NKAIN3: variants seen among roughly 807,000 people sequenced by gnomAD.
NKAIN3 encodes the protein sodium/potassium-transporting ATPase subunit beta-1-interacting protein 3.
Under a neutral mutation model 30.2 loss-of-function variants are expected in NKAIN3, and 25 were observed. The observed-to-expected ratio is 0.83, with a 90% CI of 0.60 to 1.16. The LOEUF (loss-of-function observed/expected upper bound fraction) is 1.16, where lower values mean the gene tolerates loss of function less well. Ranked by LOEUF, NKAIN3 falls within the 50% of genes most tolerant of loss-of-function variation. The probability of loss-of-function intolerance (pLI) is 0.00; values close to 1 mark genes in which losing one functional copy is unlikely to be tolerated. For synonymous variants in NKAIN3, 91 were observed against 89.6 expected, an observed-to-expected ratio of 1.02 and a Z score of -0.09; for missense variants, 225 against 254.1, an observed-to-expected ratio of 0.89 and a Z score of 0.78.
At chr8:62,987,115 G>T (rs1824216447), downstream of NKAIN3, among the ~76,000 whole-genome samples, 1 of 152,112 alleles carries the variant, frequency 6.6e-6, no homozygotes, top group Non-Finnish European at 1.5e-5. Flanking sequence ...GGCTGCGTGT[G>T]GTAGCTCATG....
At chr8:62,285,316 A>C (rs531688816) in intron 1 of NKAIN3, among the ~76,000 whole-genome samples, 1 of 152,326 alleles carries the variant, frequency 6.6e-6, no homozygotes, top group Non-Finnish European at 1.5e-5. Flanking sequence ...TTGAGAGAAT[A>C]CATAAATGTA....
intron 1 of NKAIN3, among the ~76,000 whole-genome samples, chr8:62,273,238 A>T (rs927498141): frequency 4.6e-5 from 7 of 152,210 alleles, no homozygotes; most frequent in Non-Finnish European, 1.5e-5. Context: ...ATTTCAGCCA[A>T]TCATTCCAAC....
chr8:62,326,778 T>C (rs187424851), intron 1 of NKAIN3, among the ~76,000 whole-genome samples: 54 of 152,034 alleles, frequency 3.6e-4, no homozygotes, highest in African/African-American at 1.2e-3. Flanking sequence ...CAAATATCTG[T>C]TTGAGCCACT....
chr8:62,323,660 A>G, intron 1 of NKAIN3, among the ~76,000 whole-genome samples: 1 of 152,062 alleles, frequency 6.6e-6, no homozygotes, highest in East Asian at 1.9e-4. Flanking sequence ...CCCTCTCTCC[A>G]TTTGTCAATG....
At chr8:62,577,897 C>T (rs771546429) in intron 1 of NKAIN3, among the ~76,000 whole-genome samples, 6 of 151,910 alleles carry the variant, frequency 3.9e-5, no homozygotes, top group East Asian at 1.9e-4. Flanking sequence ...TTCTCTTTTC[C>T]GCCACCGCTT....
chr8:62,329,088 G>A (rs1225900874), intron 1 of NKAIN3, among the ~76,000 whole-genome samples: 1 of 151,936 alleles, frequency 6.6e-6, no homozygotes, highest in Non-Finnish European at 1.5e-5. Context: ...CAACAGCCAT[G>A]GAAGTGAGCT....
At chr8:62,741,614 A>G (rs757349568) in intron 3 of NKAIN3, among the ~76,000 whole-genome samples, 2 of 152,160 alleles carry the variant, frequency 1.3e-5, no homozygotes, top group Non-Finnish European at 2.9e-5. Flanking sequence ...ACTTCTCTGT[A>G]AACAACTACC....
intron 3 of NKAIN3, among the ~76,000 whole-genome samples, chr8:62,745,044 T>C (rs1197224454): frequency 6.6e-6 from 1 of 152,226 alleles, no homozygotes; most frequent in East Asian, 1.9e-4. Flanking sequence ...GTGATTCACT[T>C]ACCATATACA....
At chr8:62,925,499 G>T (rs1822408241) in intron 5 of NKAIN3, among the ~76,000 whole-genome samples, 1 of 152,180 alleles carries the variant, frequency 6.6e-6, no homozygotes, top group Non-Finnish European at 1.5e-5. Context: ...CTGGAGAGAA[G>T]GTGTAGCTTG....
At chr8:62,581,190 A>G (rs1016973837) in intron 2 of NKAIN3, among the ~76,000 whole-genome samples, 2 of 149,340 alleles carry the variant, frequency 1.3e-5, no homozygotes, top group African/African-American at 5.0e-5. Flanking sequence ...GCCTCTGCTA[A>G]GTAACTACAC....
chr8:62,812,970 C>A (rs940369989), intron 4 of NKAIN3, among the ~76,000 whole-genome samples: 1 of 151,828 alleles, frequency 6.6e-6, no homozygotes, highest in African/African-American at 2.4e-5. Flanking sequence ...CAGGTACTTT[C>A]CTCTAGGTTC....
rs191144781 is a variant in NKAIN3 at position 62,973,678 on chromosome 8, A to G, written c.*8271A>G. Among the ~76,000 whole-genome samples the G allele has an allele frequency of 3.2e-4, 48 of 151,380 alleles. No individual in the cohort carries two copies. In the East Asian group the frequency reaches 8.3e-3, roughly 26 times the overall value. On this transcript the variant is annotated 3_prime_UTR_variant, in exon 7 of 7. Coordinates refer to ENST00000623646, the MANE Select transcript of NKAIN3 (RefSeq NM_001304533.3). ...AAGCTCCTTAGTTTAATTAGATCCC[A>G]TTTGTCAATTTTGGCTTTTGTTGAC...
At chr8:62,855,722 G>C in intron 4 of NKAIN3, 2 of 1,541,904 alleles carry the variant, frequency 1.3e-6, no homozygotes, top group Non-Finnish European at 1.8e-6. Flanking sequence ...CTGAACGATA[G>C]CCTTCATCTT....
chr8:62,278,573 C>G (rs905009079), intron 1 of NKAIN3, among the ~76,000 whole-genome samples: 1 of 101,172 alleles, frequency 9.9e-6, no homozygotes, highest in African/African-American at 3.3e-5. Flanking sequence ...GTTCCCCTTC[C>G]TGTGTCCAAG....
chr8:62,366,913 A>G (rs6993342), intron 1 of NKAIN3, among the ~76,000 whole-genome samples: 147,389 of 152,050 alleles, frequency 0.97, 71,492 homozygotes, highest in East Asian at 1. Flanking sequence ...TTGACTCAAG[A>G]TATTTTTTGA....
chr8:62,518,609 A>G (rs1377417836), intron 1 of NKAIN3, among the ~76,000 whole-genome samples: 1 of 152,170 alleles, frequency 6.6e-6, no homozygotes, highest in East Asian at 1.9e-4. Flanking sequence ...CATGATTTAA[A>G]CATTTGGTCC....
intron 3 of NKAIN3, among the ~76,000 whole-genome samples, chr8:62,707,694 C>A (rs1266871038): frequency 6.6e-6 from 1 of 152,050 alleles, no homozygotes; most frequent in African/African-American, 2.4e-5. Context: ...ACTCTGCCGA[C>A]TGTTCCTTTT....
chr8:62,965,595 T>C lies in NKAIN3; in HGVS notation c.*188T>C, dbSNP rs544209841. 7.5e-5 allele frequency: 73 copies of C among 977,772 alleles called. No individual in the cohort carries two copies. Among genetic ancestry groups the C allele is most frequent in the Middle Eastern group, 1.1e-3 (2 of 1,902 alleles). The allele number at this position is 977,772 out of a possible 1,614,324, so 60.6% of individuals were successfully genotyped here. ...GGTGGGTATTTTTTTAGTCGTTTTC[T>C]TCTTATATGAACACTTGTAAGTTGT... On this transcript the variant is annotated 3_prime_UTR_variant, in exon 7 of 7. Transcript: ENST00000623646.
At chr8:62,784,742 G>T (rs1358259487) in intron 4 of NKAIN3, among the ~76,000 whole-genome samples, 3 of 152,078 alleles carry the variant, frequency 2.0e-5, no homozygotes, top group Admixed American at 6.6e-5. Context: ...GCATGAAGGA[G>T]CACTTCCCAG....
Sources: allele counts gnomAD v4.1 joint callset (sites outside exome capture counted in the v4.1 genomes callset), GRCh38; gene constraint gnomAD v4.1.1; transcripts MANE v1.5; gene names NCBI Gene and HGNC (gene_info 2026-07-23, HGNC 2026-07-21).